Variants in LDOC1 observed in about 807,000 individuals in gnomAD.
The protein encoded by LDOC1 is LDOC1 regulator of NFKB signaling, also known as protein LDOC1.
A neutral mutation model predicts 4.9 loss-of-function variants in LDOC1; 1 was observed. That is an observed-to-expected ratio of 0.20 (90% CI 0.07 to 0.96). The LOEUF is 0.96. LDOC1 is among the 40% of genes least tolerant of loss of function. The pLI is 0.62. For missense variants in LDOC1, 76 were observed against 128.1 expected, an observed-to-expected ratio of 0.59 and a Z score of 1.96; for synonymous variants, 55 against 58.3, an observed-to-expected ratio of 0.94 and a Z score of 0.26.
At position 141,175,694 on chromosome X, in the gene LDOC1, A is replaced by T. The variant is rs1236496451; in HGVS notation, c.*887T>A. The T allele has an allele frequency of 8.9e-6, 1 of 112,298 alleles. No individual in the cohort carries two copies. Among genetic ancestry groups the T allele is most frequent in the Non-Finnish European group, 1.9e-5 (1 of 53,283 alleles). The allele number at this position is 112,298 out of a possible 1,213,427, so 9.3% of individuals were successfully genotyped here. A position where few individuals can be genotyped will look rare whatever the true frequency, so the allele number is the denominator to read the frequency against. On this transcript the variant is annotated 3_prime_UTR_variant, in exon 1 of 1. Coordinates refer to ENST00000370526, the MANE Select transcript of LDOC1 (RefSeq NM_012317.4). ...TTTCCACGGGAATAATGGTAGTCAGAGTGACAGTGGTAGAGGCCAGTGATA... is the reference window on the plus strand; with the variant it reads ...TTTCCACGGGAATAATGGTAGTCAGTGTGACAGTGGTAGAGGCCAGTGATA...
chrX:141,175,898 A>C lies in LDOC1; in HGVS notation c.*683T>G, dbSNP rs1482049028. The stretch of plus-strand genomic sequence containing the variant: ...TGGGACTGCTGCAATTTTGAAAGAA[A>C]AATGACAGCTGTGTAAAACCAGTGC... On this transcript the variant is annotated 3_prime_UTR_variant, in exon 1 of 1. Coordinates refer to ENST00000370526, the MANE Select transcript of LDOC1 (RefSeq NM_012317.4). 2 of 113,124 alleles carry C rather than the reference A, an allele frequency of 1.8e-5. No homozygotes were observed. The highest frequency in any genetic ancestry group is 3.7e-5 in the Non-Finnish European group (2 of 53,666). 9.3% of individuals were successfully genotyped at this position (113,124 alleles called of 1,213,427 possible). A position where few individuals can be genotyped will look rare whatever the true frequency, so the allele number is the denominator to read the frequency against.
rs782106397 is a variant in LDOC1 at position 141,176,679 on chromosome X, G to A, written c.343C>T (p.Leu115=). 9.1e-6 allele frequency: 11 copies of A among 1,212,167 alleles called. No individual in the cohort carries two copies. The South Asian group carries it at 1.1e-4, about 12-fold the overall frequency. The change falls in exon 1 of 1, where the codon CTA becomes TTA. Residue 115 remains leucine (L), a synonymous_variant. Coordinates refer to ENST00000370526, the MANE Select transcript of LDOC1 (RefSeq NM_012317.4). ...VPYIEMDSPI[L]GDYRAFLDEM... ...TCGAGGAAGGCCCGGTAATCACCTA[G>A]GATGGGGCTATCCATCTCGATGTAG...
Position 141,177,099 on chromosome X carries a change from G to A in LDOC1, c.-78C>T. ...CGCACGGAGCCCTCGCAGGAAGTGC[G>A]TGTCCACGGAGGCGCTTGGTGGCCA... On this transcript the variant is annotated 5_prime_UTR_variant, in exon 1 of 1. In the 5' UTR this introduces an upstream ATG that the reference lacks. Transcript: ENST00000370526. The A allele has an allele frequency of 2.0e-6, 2 of 982,154 alleles. No homozygotes were observed. Among genetic ancestry groups the A allele is most frequent in the Non-Finnish European group, 1.3e-6 (1 of 749,711 alleles). The allele number at this position is 982,154 out of a possible 1,213,427, so 80.9% of individuals were successfully genotyped here. A position where few individuals can be genotyped will look rare whatever the true frequency, so the allele number is the denominator to read the frequency against.
chrX:141,176,399 A>C lies in LDOC1; in HGVS notation c.*182T>G. The C allele has an allele frequency of 1.8e-6, 1 of 569,168 alleles. No individual in the cohort carries two copies. The highest frequency in any genetic ancestry group is 2.3e-5 in the African/African-American group (1 of 43,529). 46.9% of individuals were successfully genotyped at this position (569,168 alleles called of 1,213,427 possible). A position where few individuals can be genotyped will look rare whatever the true frequency, so the allele number is the denominator to read the frequency against. Reference sequence around the variant, plus strand: ...CCCGACCCCAGCAGCAGGTAACTGGAGCGCTATTCCTGGAACAAAGACAAG... The same window carrying C: ...CCCGACCCCAGCAGCAGGTAACTGGCGCGCTATTCCTGGAACAAAGACAAG... On this transcript the variant is annotated 3_prime_UTR_variant, in exon 1 of 1. Transcript: ENST00000370526.
chrX:141,173,448 C>T lies in LDOC1; in HGVS notation c.*3133G>A, dbSNP rs2013589524. On this transcript the variant is annotated 3_prime_UTR_variant, in exon 1 of 1. Transcript: ENST00000370526. ...TCCTTAGACATACTTCTACTTCTTC[C>T]TTCTTTTTTGCCATGCTTTATGCCA... The T allele has an allele frequency of 9.0e-6, 1 of 111,492 alleles. No homozygotes were observed. Among genetic ancestry groups the T allele is most frequent in the African/African-American group, 3.3e-5 (1 of 30,657 alleles). 9.2% of individuals were successfully genotyped at this position (111,492 alleles called of 1,213,427 possible).
Position 141,173,825 on chromosome X carries a change from C to A in LDOC1, c.*2756G>T, listed in dbSNP as rs994610103. Among the ~76,000 whole-genome samples, 7 of 111,898 alleles carry A rather than the reference C, an allele frequency of 6.3e-5. No homozygotes were observed. The highest frequency in any genetic ancestry group is 9.5e-5 in the Admixed American group (1 of 10,560). The stretch of plus-strand genomic sequence containing the variant: ...CTACTCATATGTCCTCAACTTCCAC[C>A]CCAGAAAGGTCATTCCCAGATCTAA... On this transcript the variant is annotated 3_prime_UTR_variant, in exon 1 of 1. Coordinates refer to ENST00000370526, the MANE Select transcript of LDOC1 (RefSeq NM_012317.4).
chrX:141,176,439 GAAGA>G lies in LDOC1; in HGVS notation c.*138_*141del. 1 of 723,960 alleles carries G rather than the reference GAAGA, an allele frequency of 1.4e-6. No homozygotes were observed. The highest frequency in any genetic ancestry group is 3.5e-5 in the East Asian group (1 of 28,427). 59.7% of individuals were successfully genotyped at this position (723,960 alleles called of 1,213,427 possible). On this transcript the variant is annotated 3_prime_UTR_variant, in exon 1 of 1. Transcript: ENST00000370526. ...ACAAAGACAAGCACTACGGAGAAATGAAGAGAGAGAGCAGACGGGCGCGGGTAGG... is the reference window on the plus strand; with the variant it reads ...ACAAAGACAAGCACTACGGAGAAATGGAGAGAGCAGACGGGCGCGGGTAGG...
Position 141,174,176 on chromosome X carries a change from G to A in LDOC1, c.*2405C>T, listed in dbSNP as rs1212823672. On this transcript the variant is annotated 3_prime_UTR_variant, in exon 1 of 1. Coordinates refer to ENST00000370526, the MANE Select transcript of LDOC1 (RefSeq NM_012317.4). ...TCAAATATAATCTCTCTCTTCCAAG[G>A]GGTTTTGTATATTTTCCAAGGAGAC... Among the ~76,000 whole-genome samples, 1 of 111,210 alleles carries A rather than the reference G, an allele frequency of 9.0e-6. No individual in the cohort carries two copies. The highest frequency in any genetic ancestry group is 3.3e-5 in the African/African-American group (1 of 30,537).
rs1390004277 is a variant in LDOC1 at position 141,173,268 on chromosome X, C to T, written c.*3313G>A. 2 of 111,610 alleles carry T rather than the reference C, an allele frequency of 1.8e-5. No individual in the cohort carries two copies. The highest frequency in any genetic ancestry group is 9.5e-5 in the Admixed American group (1 of 10,527). The allele number at this position is 111,610 out of a possible 1,213,427, so 9.2% of individuals were successfully genotyped here. A position where few individuals can be genotyped will look rare whatever the true frequency, so the allele number is the denominator to read the frequency against. The stretch of plus-strand genomic sequence containing the variant: ...TATATTTAATACGATTAAATGATTA[C>T]GACATTTAATATGACTAATTTCATT... On this transcript the variant is annotated 3_prime_UTR_variant, in exon 1 of 1. Coordinates refer to ENST00000370526, the MANE Select transcript of LDOC1 (RefSeq NM_012317.4).
chrX:141,175,182 G>A lies in LDOC1; in HGVS notation c.*1399C>T, dbSNP rs1247327538. On this transcript the variant is annotated 3_prime_UTR_variant, in exon 1 of 1. Transcript: ENST00000370526. ...CTAAGGATGTCTGTCCAAGGAGAAC[G>A]AAATGTTTGTTAAGATCAGGCTATA... Among the ~76,000 whole-genome samples, 2 of 112,096 alleles carry A rather than the reference G, an allele frequency of 1.8e-5. No homozygotes were observed. Among genetic ancestry groups the A allele is most frequent in the Non-Finnish European group, 3.8e-5 (2 of 53,261 alleles).
At position 141,176,396 on chromosome X, in the gene LDOC1, T is replaced by C; in HGVS notation, c.*185A>G. On this transcript the variant is annotated 3_prime_UTR_variant, in exon 1 of 1. Transcript: ENST00000370526. ...AGCCCCGACCCCAGCAGCAGGTAACTGGAGCGCTATTCCTGGAACAAAGAC... is the reference window on the plus strand; with the variant it reads ...AGCCCCGACCCCAGCAGCAGGTAACCGGAGCGCTATTCCTGGAACAAAGAC... 1 of 565,690 alleles carries C rather than the reference T, an allele frequency of 1.8e-6. No homozygotes were observed. Among genetic ancestry groups the C allele is most frequent in the Non-Finnish European group, 2.7e-6 (1 of 366,807 alleles). 46.6% of individuals were successfully genotyped at this position (565,690 alleles called of 1,213,427 possible).
rs2013596172 is a variant in LDOC1, at chrX:141,174,429, T to A, written c.*2152A>T. Among the ~76,000 whole-genome samples, 3 of 111,958 alleles carry A rather than the reference T, an allele frequency of 2.7e-5. No homozygotes were observed. The Admixed American group carries it at 2.9e-4, about 11-fold the overall frequency. The stretch of plus-strand genomic sequence containing the variant: ...CCACCACGTAAAACAGCTTTGTTTC[T>A]TGCTTCATATAAGACTCCAAAAAGT... On this transcript the variant is annotated 3_prime_UTR_variant, in exon 1 of 1. Transcript: ENST00000370526.
At position 141,176,299 on chromosome X, in the gene LDOC1, T is replaced by C. The variant is rs1175327285; in HGVS notation, c.*282A>G. 4.1e-5 allele frequency: 16 copies of C among 391,361 alleles called. No individual in the cohort carries two copies. Among genetic ancestry groups the C allele is most frequent in the Non-Finnish European group, 5.4e-5 (12 of 223,998 alleles). The allele number at this position is 391,361 out of a possible 1,213,427, so 32.3% of individuals were successfully genotyped here. A position where few individuals can be genotyped will look rare whatever the true frequency, so the allele number is the denominator to read the frequency against. On this transcript the variant is annotated 3_prime_UTR_variant, in exon 1 of 1. Transcript: ENST00000370526. Reference sequence around the variant, plus strand: ...CTGGGGTTCAGGACACAGTTCAGATTAGCAGGGGAGGGATCCCGGGGATGG... The same window carrying C: ...CTGGGGTTCAGGACACAGTTCAGATCAGCAGGGGAGGGATCCCGGGGATGG...
Position 141,176,602 on chromosome X carries a change from TTCGTCG to T in LDOC1, c.414_419del (p.Asp138_Asp139del). On this transcript the variant is annotated inframe_deletion, in exon 1 of 1. Coordinates refer to ENST00000370526, the MANE Select transcript of LDOC1 (RefSeq NM_012317.4). Reference sequence around the variant, plus strand: ...GGGCCTAATAATCATCCTCCTCTTCTTCGTCGTCGTCGTCTTCGTCGTCATCCCAGC... The same window carrying T: ...GGGCCTAATAATCATCCTCCTCTTCTTCGTCGTCTTCGTCGTCATCCCAGC... The T allele has an allele frequency of 2.5e-6, 3 of 1,210,053 alleles. No individual in the cohort carries two copies. The highest frequency in any genetic ancestry group is 3.4e-6 in the Non-Finnish European group (3 of 894,322).
At position 141,176,393 on chromosome X, in the gene LDOC1, A is replaced by T. The variant is rs1556283380; in HGVS notation, c.*188T>A. The stretch of plus-strand genomic sequence containing the variant: ...TCCAGCCCCGACCCCAGCAGCAGGT[A>T]ACTGGAGCGCTATTCCTGGAACAAA... On this transcript the variant is annotated 3_prime_UTR_variant, in exon 1 of 1. Coordinates refer to ENST00000370526, the MANE Select transcript of LDOC1 (RefSeq NM_012317.4). 7 of 543,063 alleles carry T rather than the reference A, an allele frequency of 1.3e-5. No homozygotes were observed. The allele number at this position is 543,063 out of a possible 1,213,427, so 44.8% of individuals were successfully genotyped here. A position where few individuals can be genotyped will look rare whatever the true frequency, so the allele number is the denominator to read the frequency against.
rs1239389678 is a variant in LDOC1, at chrX:141,174,310, C to T, written c.*2271G>A. On this transcript the variant is annotated 3_prime_UTR_variant, in exon 1 of 1. Coordinates refer to ENST00000370526, the MANE Select transcript of LDOC1 (RefSeq NM_012317.4). ...GATCTCATTTCCACCCAAGCCTCAG[C>T]CTCTTTTATTAAGTCATACGCAACC... 9.0e-6 allele frequency among the ~76,000 whole-genome samples: 1 copy of T among 111,237 alleles called. No individual in the cohort carries two copies. Among genetic ancestry groups the T allele is most frequent in the African/African-American group, 3.3e-5 (1 of 30,562 alleles).
Position 141,174,207 on chromosome X carries a change from G to A in LDOC1, c.*2374C>T, listed in dbSNP as rs1569411919. ...TGTATATTTTCCAAGGAGACTGGGAGAAGTGATCAATGAATTCTAAATAAC... is the reference window on the plus strand; with the variant it reads ...TGTATATTTTCCAAGGAGACTGGGAAAAGTGATCAATGAATTCTAAATAAC... On this transcript the variant is annotated 3_prime_UTR_variant, in exon 1 of 1. Transcript: ENST00000370526. Among the ~76,000 whole-genome samples the A allele has an allele frequency of 1.8e-5, 2 of 111,411 alleles. No individual in the cohort carries two copies. The highest frequency in any genetic ancestry group is 3.8e-5 in the Non-Finnish European group (2 of 53,121).
At position 141,174,268 on chromosome X, in the gene LDOC1, C is replaced by T. The variant is rs782346938; in HGVS notation, c.*2313G>A. Among the ~76,000 whole-genome samples the T allele has an allele frequency of 1.8e-5, 2 of 111,212 alleles. No individual in the cohort carries two copies. Among genetic ancestry groups the T allele is most frequent in the East Asian group, 5.7e-4 (2 of 3,515 alleles). On this transcript the variant is annotated 3_prime_UTR_variant, in exon 1 of 1. Transcript: ENST00000370526. The stretch of plus-strand genomic sequence containing the variant: ...CTTGATTCAGATTTGGAGGCGGCAG[C>T]TCCCTGAAGAGCCCCAGATCTCATT...
Position 141,176,457 on chromosome X carries a change from G to A in LDOC1, c.*124C>T. The A allele has an allele frequency of 1.2e-6, 1 of 848,249 alleles. No individual in the cohort carries two copies. The highest frequency in any genetic ancestry group is 1.6e-6 in the Non-Finnish European group (1 of 617,865). 69.9% of individuals were successfully genotyped at this position (848,249 alleles called of 1,213,427 possible). ...GAGAAATGAAGAGAGAGAGCAGACGGGCGCGGGTAGGTAAGGGGACCGGAG... is the reference window on the plus strand; with the variant it reads ...GAGAAATGAAGAGAGAGAGCAGACGAGCGCGGGTAGGTAAGGGGACCGGAG... On this transcript the variant is annotated 3_prime_UTR_variant, in exon 1 of 1. Coordinates refer to ENST00000370526, the MANE Select transcript of LDOC1 (RefSeq NM_012317.4).
Sources: gnomAD v4.1 joint callset for allele counts (sites outside exome capture counted in the v4.1 genomes callset) on GRCh38, gnomAD v4.1.1 for gene constraint, MANE v1.5 for transcripts, NCBI Gene and HGNC (gene_info 2026-07-23, HGNC 2026-07-21) for gene names.